RIMS2: variants seen among roughly 807,000 people sequenced by gnomAD.
RIMS2 encodes regulating synaptic membrane exocytosis protein 2.
Under a neutral mutation model 174.4 loss-of-function variants are expected in RIMS2, and 59 were observed. That is an observed-to-expected ratio of 0.34 (90% CI 0.27 to 0.42). The LOEUF (loss-of-function observed/expected upper bound fraction) is 0.42, where lower values mean the gene tolerates loss of function less well. Among genes scored for constraint, RIMS2 ranks in the 10% least tolerant of loss-of-function variants. The probability of loss-of-function intolerance (pLI) is 1.00; values close to 1 mark genes in which losing one functional copy is unlikely to be tolerated. For missense variants in RIMS2, 1,620 were observed against 1,666.3 expected (o/e 0.97, Z 0.48); for synonymous variants, 606 against 572.5 (o/e 1.06, Z -0.84).
At chr8:104,175,869 T>C (rs562711181) in intron 19 of RIMS2, among the ~76,000 whole-genome samples, 2 of 152,158 alleles carry the variant, frequency 1.3e-5, no homozygotes, top group East Asian at 1.9e-4. Context: ...CAGTCACTGA[T>C]GTATGCTCTC....
In RIMS2 at chr8:104,249,600, A is replaced by G. The variant is rs2099352306; in HGVS notation, c.3691+12A>G. The stretch of plus-strand genomic sequence containing the variant: ...CAAGACACTGCCAGGTAAAAACAAA[A>G]GAGATTTTTCTATTATTGTCCATAA... On this transcript the variant is annotated intron_variant, in intron 22 of 23. Transcript: ENST00000504942. 1.4e-6 allele frequency: 2 copies of G among 1,461,268 alleles called. No individual in the cohort carries two copies. The highest frequency in any genetic ancestry group is 2.8e-5 in the African/African-American group (2 of 71,876). The allele number at this position is 1,461,268 out of a possible 1,614,324, so 90.5% of individuals were successfully genotyped here.
intron 2 of RIMS2, among the ~76,000 whole-genome samples, chr8:103,735,764 C>T (rs1421589236): frequency 6.6e-6 from 1 of 152,126 alleles, no homozygotes; most frequent in Non-Finnish European, 1.5e-5. Flanking sequence ...CCTGTGTGTG[C>T]AGTACAGGAC....
intron 12 of RIMS2, among the ~76,000 whole-genome samples, chr8:103,934,668 T>C (rs2080814346): frequency 6.6e-6 from 1 of 152,052 alleles, no homozygotes; most frequent in Non-Finnish European, 1.5e-5. Context: ...CTTACTTTTC[T>C]TTTTCCTTTC....
intron 2 of RIMS2, among the ~76,000 whole-genome samples, chr8:103,704,007 A>C (rs138561158): frequency 1.4e-3 from 211 of 152,074 alleles, no homozygotes; most frequent in African/African-American, 4.9e-3. Flanking sequence ...TTTTGCTAGA[A>C]TTTCCAATAC....
intron 1 of RIMS2, among the ~76,000 whole-genome samples, chr8:103,507,294 A>G (rs1824149281): frequency 6.6e-6 from 1 of 151,970 alleles, no homozygotes; most frequent in South Asian, 2.1e-4. Flanking sequence ...ATATTTCCCC[A>G]ATTATGCTTA....
intron 3 of RIMS2, among the ~76,000 whole-genome samples, chr8:103,771,976 T>C (rs545742219): frequency 6.6e-6 from 1 of 152,242 alleles, no homozygotes; most frequent in East Asian, 1.9e-4. Context: ...ATCTAAACTG[T>C]AAAGTTTTAA....
At chr8:103,525,488 A>G (rs151315496) in intron 1 of RIMS2, among the ~76,000 whole-genome samples, 211 of 152,298 alleles carry the variant, frequency 1.4e-3, no homozygotes, top group African/African-American at 4.9e-3. Flanking sequence ...TGAAGTTCAC[A>G]TTACATGGAA....
chr8:103,967,107 G>C (rs1033520301), intron 15 of RIMS2, among the ~76,000 whole-genome samples: 1 of 144,440 alleles, frequency 6.9e-6, no homozygotes, highest in Non-Finnish European at 1.5e-5. Context: ...ATTATATTCA[G>C]TTGATGGTGT....
chr8:104,229,409 A>G (rs750152771), intron 19 of RIMS2, among the ~76,000 whole-genome samples: 9 of 151,000 alleles, frequency 6.0e-5, no homozygotes, highest in Non-Finnish European at 7.4e-5. Context: ...CACAAAAATG[A>G]TAGTATCATT....
intron 3 of RIMS2, among the ~76,000 whole-genome samples, chr8:103,844,888 G>A (rs528679813): frequency 6.6e-6 from 1 of 152,060 alleles, no homozygotes; most frequent in East Asian, 1.9e-4. Flanking sequence ...AAAATATTCA[G>A]TTTTTAAAGA....
chr8:103,912,959 C>CTCT (rs2075957021), intron 6 of RIMS2, among the ~76,000 whole-genome samples: 1 of 135,704 alleles, frequency 7.4e-6, no homozygotes, highest in Non-Finnish European at 1.6e-5. Flanking sequence ...CTCTAGCAAA[C>CTCT]TTTTTTTGTT....
intron 19 of RIMS2, among the ~76,000 whole-genome samples, chr8:104,072,533 A>G (rs150297082): frequency 0.014 from 2,076 of 152,292 alleles, 52 homozygotes; most frequent in African/African-American, 0.047. Flanking sequence ...CAAATTTGAC[A>G]TAACTGTGAT....
chr8:103,914,033 G>C (rs1351803356), intron 6 of RIMS2, among the ~76,000 whole-genome samples: 3 of 152,152 alleles, frequency 2.0e-5, no homozygotes, highest in Admixed American at 1.3e-4. Flanking sequence ...ACTCACAATA[G>C]ATGAGAAATA....
chr8:103,539,430 T>C (rs1841473005), intron 1 of RIMS2, among the ~76,000 whole-genome samples: 2 of 151,850 alleles, frequency 1.3e-5, no homozygotes, highest in African/African-American at 2.4e-5. Flanking sequence ...AAGGGCCCAA[T>C]AAAGTATACT....
chr8:104,154,610 G>A (rs895196007), intron 19 of RIMS2, among the ~76,000 whole-genome samples: 1 of 152,174 alleles, frequency 6.6e-6, no homozygotes, highest in Admixed American at 6.6e-5. Flanking sequence ...TCAAAGAAGA[G>A]CTTTGTTTTT....
intron 1 of RIMS2, among the ~76,000 whole-genome samples, chr8:103,522,612 A>T (rs1023973516): frequency 6.6e-6 from 1 of 152,094 alleles, no homozygotes; most frequent in East Asian, 1.9e-4. Context: ...ACCACTTACA[A>T]ATGACTTCTT....
chr8:103,552,237 C>T (rs955807858), intron 1 of RIMS2, among the ~76,000 whole-genome samples: 1 of 152,172 alleles, frequency 6.6e-6, no homozygotes, highest in African/African-American at 2.4e-5. Context: ...CAGCATGGCA[C>T]TGGTACCAAA....
intron 3 of RIMS2, among the ~76,000 whole-genome samples, chr8:103,835,431 T>C (rs933360171): frequency 1.3e-5 from 2 of 150,642 alleles, no homozygotes; most frequent in Non-Finnish European, 3.0e-5. Context: ...ATATTTAGCC[T>C]TCAGGCATTG....
intron 3 of RIMS2, among the ~76,000 whole-genome samples, chr8:103,851,209 C>A (rs1465807838): frequency 6.6e-6 from 1 of 151,806 alleles, no homozygotes; most frequent in Non-Finnish European, 1.5e-5. Context: ...AGTTATATAT[C>A]TAGTTTTCTT....
Sources: gnomAD v4.1 joint callset for allele counts (sites outside exome capture counted in the v4.1 genomes callset) on GRCh38, gnomAD v4.1.1 for gene constraint, MANE v1.5 for transcripts, NCBI Gene and HGNC (gene_info 2026-07-23, HGNC 2026-07-21) for gene names.